XYLT1: variants seen among roughly 807,000 people sequenced by gnomAD.
XYLT1 encodes beta-D-xylosyltransferase 1.
Under a neutral mutation model 91.3 loss-of-function variants are expected in XYLT1, and 36 were observed. That is an observed-to-expected ratio of 0.39 (90% confidence interval 0.30 to 0.52). XYLT1 has a LOEUF of 0.52. XYLT1 is among the 20% of genes least tolerant of loss of function. The pLI is 0.68. For missense variants in XYLT1, 1,242 were observed against 1,284.5 expected (o/e 0.97, Z 0.51); for synonymous variants, 588 against 532.0 (o/e 1.11, Z -1.45).
At chr16:17,431,184 T>A (rs1213075764) in intron 1 of XYLT1, among the ~76,000 whole-genome samples, 1 of 152,086 alleles carries the variant, frequency 6.6e-6, no homozygotes, top group Non-Finnish European at 1.5e-5. Flanking sequence ...GTGGCTGTGT[T>A]CCAATAAAGC....
At chr16:17,181,869 G>A (rs941062494) in intron 5 of XYLT1, among the ~76,000 whole-genome samples, 8 of 152,066 alleles carry the variant, frequency 5.3e-5, no homozygotes, top group South Asian at 2.1e-4. Context: ...GTAAGCTAAG[G>A]TCTCCCTGGT....
At chr16:17,392,652 A>C (rs1299480562) in intron 1 of XYLT1, among the ~76,000 whole-genome samples, 1 of 152,190 alleles carries the variant, frequency 6.6e-6, no homozygotes, top group Non-Finnish European at 1.5e-5. Flanking sequence ...TTGGAAACTG[A>C]GTCATGCAAA....
Position 17,200,464 on chromosome 16 carries a change from A to T in XYLT1, c.1086+18T>A. On this transcript the variant is annotated intron_variant, in intron 4 of 11. Transcript: ENST00000261381. ...CCCGAAGAAAGCCCAGCAAGGGGTG[A>T]TCACAGAGGCCTCTCACCTTGTCCA... is the stretch of plus-strand genomic sequence containing the variant. The T allele has an allele frequency of 6.9e-6, 11 of 1,604,426 alleles. No individual in the cohort carries two copies. The highest frequency in any genetic ancestry group is 9.4e-6 in the Non-Finnish European group (11 of 1,171,758).
chr16:17,363,602 C>A (rs2141867624), intron 1 of XYLT1, among the ~76,000 whole-genome samples: 1 of 152,272 alleles, frequency 6.6e-6, no homozygotes. Flanking sequence ...TGCAGTGGCA[C>A]AATCCAAGCT....
chr16:17,150,546 T>C (rs1464165365), intron 6 of XYLT1, among the ~76,000 whole-genome samples: 1 of 152,194 alleles, frequency 6.6e-6, no homozygotes, highest in Non-Finnish European at 1.5e-5. Context: ...ATATATATTC[T>C]TCTGTTTAGA....
intron 1 of XYLT1, among the ~76,000 whole-genome samples, chr16:17,410,024 C>T (rs369580894): frequency 3.9e-5 from 6 of 152,272 alleles, no homozygotes; most frequent in Admixed American, 2.0e-4. Context: ...CATGTCCCAA[C>T]CACACGGACA....
chr16:17,255,596 C>T (rs2033618570), intron 3 of XYLT1, among the ~76,000 whole-genome samples: 1 of 152,222 alleles, frequency 6.6e-6, no homozygotes, highest in South Asian at 2.1e-4. Flanking sequence ...TTAATTATTG[C>T]TACACTCTGT....
At position 17,251,280 on chromosome 16, in the gene XYLT1, CT is replaced by C. The variant is rs888233043; in HGVS notation, c.913+7707del. On this transcript the variant is annotated intron_variant, in intron 3 of 11. Transcript: ENST00000261381. The stretch of plus-strand genomic sequence containing the variant: ...AACCCCCTTCTGTTCATCCTCACCC[CT>C]AACACCTGTGCCAGCTTCCCCAGTC... 83 of 152,440 alleles carry C rather than the reference CT, an allele frequency of 5.4e-4. 1 individual carries two copies. The highest frequency in any genetic ancestry group is 1.9e-3 in the African/African-American group (79 of 41,568). 9.4% of individuals were successfully genotyped at this position (152,440 alleles called of 1,614,324 possible). A position where few individuals can be genotyped will look rare whatever the true frequency, so the allele number is the denominator to read the frequency against.
intron 2 of XYLT1, among the ~76,000 whole-genome samples, chr16:17,304,559 T>C (rs1053713776): frequency 1.3e-5 from 2 of 152,190 alleles, no homozygotes; most frequent in African/African-American, 2.4e-5. Flanking sequence ...CTCAGCTCCT[T>C]TGAAATAGCT....
chr16:17,458,020 T>C (rs908499875), intron 1 of XYLT1, among the ~76,000 whole-genome samples: 16 of 152,216 alleles, frequency 1.1e-4, no homozygotes, highest in Admixed American at 9.8e-4. Flanking sequence ...TAGTCTGGTT[T>C]TAATACTATC....
At chr16:17,364,098 G>A (rs1319667280) in intron 1 of XYLT1, among the ~76,000 whole-genome samples, 2 of 152,148 alleles carry the variant, frequency 1.3e-5, no homozygotes, top group African/African-American at 4.8e-5. Context: ...ATTGGGGGAG[G>A]AAGGGTTTCA....
intron 2 of XYLT1, among the ~76,000 whole-genome samples, chr16:17,314,910 G>A (rs1335751132): frequency 6.6e-6 from 1 of 152,180 alleles, no homozygotes; most frequent in African/African-American, 2.4e-5. Flanking sequence ...TGTAGGTGGC[G>A]GAGGTGATAA....
At chr16:17,252,592 T>C (rs565247087) in intron 3 of XYLT1, among the ~76,000 whole-genome samples, 1 of 152,184 alleles carries the variant, frequency 6.6e-6, no homozygotes, top group Non-Finnish European at 1.5e-5. Context: ...GGGATGGAGC[T>C]GGGGCTTCCT....
At chr16:17,250,713 T>C (rs2033525030) in intron 3 of XYLT1, 1 of 152,242 alleles carries the variant, frequency 6.6e-6, no homozygotes, top group African/African-American at 2.4e-5. Context: ...AATGAACTGT[T>C]ACTGGATACC....
chr16:17,188,535 G>A (rs997525491), intron 5 of XYLT1, among the ~76,000 whole-genome samples: 3 of 152,158 alleles, frequency 2.0e-5, no homozygotes, highest in African/African-American at 7.2e-5. Flanking sequence ...CTCCTACCCA[G>A]CATCTACATC....
intron 2 of XYLT1, among the ~76,000 whole-genome samples, chr16:17,264,928 C>G (rs745577695): frequency 3.3e-5 from 5 of 152,048 alleles, no homozygotes; most frequent in Admixed American, 1.3e-4. Context: ...GTGGCTCACA[C>G]CTGTAATCCC....
At chr16:17,112,658 A>G (rs1966844427) in intron 11 of XYLT1, among the ~76,000 whole-genome samples, 1 of 152,122 alleles carries the variant, frequency 6.6e-6, no homozygotes, top group African/African-American at 2.4e-5. Context: ...GAAGGAACCT[A>G]AGACCTCTAA....
chr16:17,355,636 C>T (rs1449023507), intron 2 of XYLT1, among the ~76,000 whole-genome samples: 5 of 151,900 alleles, frequency 3.3e-5, no homozygotes, highest in African/African-American at 1.2e-4. Flanking sequence ...ATAACTAGCC[C>T]TTCAAACTTG....
intron 1 of XYLT1, among the ~76,000 whole-genome samples, chr16:17,432,326 C>A (rs564287927): frequency 6.6e-6 from 1 of 152,294 alleles, no homozygotes; most frequent in South Asian, 2.1e-4. Flanking sequence ...AACCCAGTGT[C>A]CATCAGCCAG....
Sources: allele counts gnomAD v4.1 joint callset (sites outside exome capture counted in the v4.1 genomes callset), GRCh38; gene constraint gnomAD v4.1.1; transcripts MANE v1.5; gene names NCBI Gene and HGNC (gene_info 2026-07-23, HGNC 2026-07-21).